CCDC63: variants seen among roughly 807,000 people sequenced by gnomAD.
CCDC63 encodes coiled-coil domain containing 63.
A neutral mutation model predicts 63.6 loss-of-function variants in CCDC63; 54 were observed. The observed-to-expected ratio is 0.85, with a 90% CI of 0.68 to 1.07. The LOEUF is 1.07. Among genes scored for constraint, CCDC63 ranks in the 50% least tolerant of loss-of-function variants. The probability of loss-of-function intolerance (pLI) is 0.00; values close to 1 mark genes in which losing one functional copy is unlikely to be tolerated. For synonymous variants in CCDC63, 253 were observed against 266.1 expected (o/e 0.95, Z 0.48); for missense variants, 637 against 689.6 (o/e 0.92, Z 0.86).
chr12:110,898,985 G>C lies in CCDC63; in HGVS notation c.1202G>C (p.Gly401Ala). 1 of 1,613,140 alleles carries C rather than the reference G, an allele frequency of 6.2e-7. No individual in the cohort carries two copies. The highest frequency in any genetic ancestry group is 8.5e-7 in the Non-Finnish European group (1 of 1,179,674). The change falls in exon 10 of 12, where the codon GGG becomes GCG. Residue 401 changes from glycine (G) to alanine (A), a missense_variant. By Grantham distance (60) the Gly-to-Ala change is moderately conservative. Transcript: ENST00000308208. ...GCAGATATGTATGAGAGCAAGTACG[G>C]GGAGGTCAGCAAGACCTTGGATCTA... is the stretch of plus-strand genomic sequence containing the variant. ...EEADMYESKYGEVSKTLDLLK... is the reference protein window; with the variant it reads ...EEADMYESKYAEVSKTLDLLK...
chr12:110,867,625 G>T (rs2070985462), intron 4 of CCDC63, among the ~76,000 whole-genome samples: 2 of 126,366 alleles, frequency 1.6e-5, no homozygotes, highest in Non-Finnish European at 1.7e-5. Flanking sequence ...GGGCAGAGGG[G>T]CTCCTCACTT....
intron 1 of CCDC63, among the ~76,000 whole-genome samples, chr12:110,849,598 G>T (rs1335477258): frequency 6.7e-6 from 1 of 148,728 alleles, no homozygotes; most frequent in Admixed American, 6.9e-5. Context: ...TCCCAGGCTC[G>T]AGTGATTCTC....
intron 3 of CCDC63, among the ~76,000 whole-genome samples, 198 bp downstream of exon 3, chr12:110,853,772 A>G (rs997089877): frequency 1.3e-5 from 2 of 152,172 alleles, no homozygotes; most frequent in Non-Finnish European, 2.9e-5. Flanking sequence ...AAGAGGGGGA[A>G]TTTCTTGTCA....
chr12:110,846,019 C>T (rs2070633834), upstream of CCDC63: 1 of 148,616 alleles, frequency 6.7e-6, no homozygotes, highest in African/African-American at 2.5e-5. Context: ...CCAGGCTGGT[C>T]TTGAGCTCCT....
chr12:110,853,376 G>A (rs760003340), intron 2 of CCDC63, 29 bp from the exon 3 acceptor site: 14 of 1,593,232 alleles, frequency 8.8e-6, no homozygotes, highest in Non-Finnish European at 9.4e-6. Context: ...GGCCCACTAC[G>A]GCCTCCCACT....
chr12:110,853,603 G>A (rs191887633), intron 3 of CCDC63, 29 bp downstream of exon 3: 523 of 1,613,672 alleles, frequency 3.2e-4, no homozygotes, highest in Non-Finnish European at 4.3e-4. Context: ...TTCGCACTGA[G>A]TGACCTTGGA....
At chr12:110,896,193 T>C (rs2071413354) in intron 9 of CCDC63, among the ~76,000 whole-genome samples, 1 of 152,096 alleles carries the variant, frequency 6.6e-6, no homozygotes, top group Admixed American at 6.6e-5. Flanking sequence ...CAGGCTGGAG[T>C]GCAGTGGTGG....
chr12:110,898,984 G>A lies in CCDC63; in HGVS notation c.1201G>A (p.Gly401Arg), dbSNP rs116589141. 92 of 1,613,012 alleles carry A rather than the reference G, an allele frequency of 5.7e-5. No individual in the cohort carries two copies. The African/African-American group carries it at 8.7e-4, about 15-fold the overall frequency. Residue 401 changes from glycine (G) to arginine (R), a missense_variant, in exon 10 of 12, where the codon GGG (glycine) becomes AGG (arginine). Transcript: ENST00000308208. ...EEADMYESKY[G>R]EVSKTLDLLK... is the part of the protein sequence containing the mutation. ...GGCAGATATGTATGAGAGCAAGTAC[G>A]GGGAGGTCAGCAAGACCTTGGATCT...
Position 110,881,241 on chromosome 12 carries a change from G to T in CCDC63, c.798G>T (p.Leu266=). 1 of 1,613,872 alleles carries T rather than the reference G, an allele frequency of 6.2e-7. No individual in the cohort carries two copies. The highest frequency in any genetic ancestry group is 8.5e-7 in the Non-Finnish European group (1 of 1,179,938). ...YAHESKLKSF[L]LVKLNDRNEF... is the part of the protein sequence containing the mutation. ...ATGAGAGCAAGCTCAAGTCCTTCCT[G>T]CTCGTCAAGCTGAATGATCGCAATG... The change falls in exon 7 of 12, where the codon CTG becomes CTT. Residue 266 remains leucine (L), a synonymous_variant. Transcript: ENST00000308208.
chr12:110,861,161 C>T (rs2070848608), intron 4 of CCDC63, among the ~76,000 whole-genome samples: 1 of 152,042 alleles, frequency 6.6e-6, no homozygotes, highest in Non-Finnish European at 1.5e-5. Flanking sequence ...TCATGAAAAA[C>T]CACCCCCCAC....
intron 5 of CCDC63, 122 bp downstream of exon 5, chr12:110,874,083 T>G: frequency 1.5e-6 from 2 of 1,302,680 alleles, no homozygotes; most frequent in Non-Finnish European, 2.1e-6. Context: ...CAGGAGCAGG[T>G]GAACTAATGG....
chr12:110,886,827 GT>G (rs2071287524), intron 8 of CCDC63, among the ~76,000 whole-genome samples: 1 of 152,168 alleles, frequency 6.6e-6, no homozygotes, highest in Non-Finnish European at 1.5e-5. Flanking sequence ...GCCACTCTCT[GT>G]CCCCCTCCCG....
intron 4 of CCDC63, among the ~76,000 whole-genome samples, chr12:110,873,608 C>T (rs144673793): frequency 3.3e-5 from 5 of 152,114 alleles, no homozygotes; most frequent in Admixed American, 6.6e-5. Context: ...TATTGTACCC[C>T]GAACTGGCTA....
At chr12:110,850,420 C>T (rs888866358) in intron 1 of CCDC63, among the ~76,000 whole-genome samples, 6 of 152,214 alleles carry the variant, frequency 3.9e-5, no homozygotes, top group African/African-American at 1.4e-4. Context: ...TGATCTCTTC[C>T]AGGCTGATCT....
At chr12:110,863,902 C>T (rs1263477569) in intron 4 of CCDC63, among the ~76,000 whole-genome samples, 2 of 152,232 alleles carry the variant, frequency 1.3e-5, no homozygotes, top group Non-Finnish European at 2.9e-5. Flanking sequence ...ACCTTCTTTA[C>T]TGGTCTGCTC....
rs529910259 is a variant in CCDC63, at chr12:110,881,985, G to C, written c.853+689G>C. The stretch of plus-strand genomic sequence containing the variant: ...TATTTAGAAGGAGACTTATTGTCAG[G>C]GGTCCCCAGGTTCATCTCTAGGTTT... On this transcript the variant is annotated intron_variant, in intron 7 of 11. Coordinates refer to ENST00000308208, the MANE Select transcript of CCDC63 (RefSeq NM_152591.3). Among the ~76,000 whole-genome samples, 4 of 152,222 alleles carry C rather than the reference G, an allele frequency of 2.6e-5. No individual in the cohort carries two copies. In the South Asian group the frequency reaches 8.3e-4, roughly 32 times the overall value.
rs372597150 is a variant in CCDC63, at chr12:110,884,183, G to A, written c.1007G>A (p.Arg336Gln). Residue 336 changes from arginine (R) to glutamine (Q), a missense_variant, in exon 8 of 12, where the codon CGG becomes CAG. By Grantham distance (43) the Arg-to-Gln change is conservative. Coordinates refer to ENST00000308208, the MANE Select transcript of CCDC63 (RefSeq NM_152591.3). Reference protein sequence around the residue: ...FLAKEEKNFARFTYVTELNND... With the variant: ...FLAKEEKNFAQFTYVTELNND... ...GCCAAGGAGGAGAAGAATTTTGCTC[G>A]GTTCACGTATGTCACGGAGCTCAAC... is the stretch of plus-strand genomic sequence containing the variant. 10 of 1,613,934 alleles carry A rather than the reference G, an allele frequency of 6.2e-6. No homozygotes were observed. Among genetic ancestry groups the A allele is most frequent in the African/African-American group, 1.3e-5 (1 of 74,890 alleles).
intron 9 of CCDC63, among the ~76,000 whole-genome samples, 190 bp downstream of exon 9, chr12:110,893,340 C>T (rs979324240): frequency 6.6e-6 from 1 of 152,192 alleles, no homozygotes; most frequent in Non-Finnish European, 1.5e-5. Context: ...TCCCGGGCAG[C>T]CTCTGCTACA....
intron 6 of CCDC63, among the ~76,000 whole-genome samples, chr12:110,880,673 G>GTGGTGAGGATGTTA (rs2071188256): frequency 5.8e-4 from 1 of 1,712 alleles, no homozygotes; most frequent in Non-Finnish European, 1.4e-3. Context: ...GGTGATGATG[G>GTGGTGAGGATGTTA]TGGTGACGAT....
Sources: allele counts gnomAD v4.1 joint callset (sites outside exome capture counted in the v4.1 genomes callset), GRCh38; gene constraint gnomAD v4.1.1; transcripts MANE v1.5; gene names NCBI Gene and HGNC (gene_info 2026-07-23, HGNC 2026-07-21).